The following PCDHGC3 variants were observed in gnomAD, a reference collection of about 807,000 sequenced individuals.
PCDHGC3 encodes the protein protocadherin gamma-C3.
PCDHGC3 carries 26 observed loss-of-function variants against 59.2 expected under a neutral mutation model. That is an observed-to-expected ratio of 0.44 (90% CI 0.32 to 0.61). The LOEUF (loss-of-function observed/expected upper bound fraction) is 0.61. Ranked by LOEUF, PCDHGC3 falls within the 20% of genes least tolerant of loss-of-function variation. PCDHGC3 has a pLI of 0.05. For missense variants in PCDHGC3, 1,080 were observed against 1,221.8 expected, an observed-to-expected ratio of 0.88 and a Z score of 1.73; for synonymous variants, 487 against 519.7, an observed-to-expected ratio of 0.94 and a Z score of 0.86.
chr5:141,501,130 G>A (rs528942194), intron 2 of PCDHGC3, among the ~76,000 whole-genome samples: 5 of 152,100 alleles, frequency 3.3e-5, no homozygotes, highest in African/African-American at 4.8e-5. Flanking sequence ...GCCTCCCTAA[G>A]TGCTGGGATT....
At position 141,491,724 on chromosome 5, in the gene PCDHGC3, G is replaced by A; in HGVS notation, c.2431-3083G>A. ...AGGTGAGGGGCTCGGCGCCGCCCCGGGCGACCCCTGGGGGCGGCACTGGAG... is the reference window on the plus strand; with the variant it reads ...AGGTGAGGGGCTCGGCGCCGCCCCGAGCGACCCCTGGGGGCGGCACTGGAG... On this transcript the variant is annotated intron_variant, in intron 1 of 3. Coordinates refer to ENST00000308177, the MANE Select transcript of PCDHGC3 (RefSeq NM_002588.4). This position sits in a 1 kb window ranked among gnomAD's most constrained non-coding sequence, Gnocchi z 6.9. 1 of 1,606,454 alleles carries A rather than the reference G, an allele frequency of 6.2e-7. No individual in the cohort carries two copies. The highest frequency in any genetic ancestry group is 1.1e-5 in the South Asian group (1 of 90,304).
chr5:141,501,412 T>C (rs1479005426), intron 2 of PCDHGC3, among the ~76,000 whole-genome samples: 7 of 151,550 alleles, frequency 4.6e-5, no homozygotes, highest in African/African-American at 1.7e-4. Context: ...GCTTGGAAAA[T>C]AGTTGACTAA....
chr5:141,490,128 C>T lies in PCDHGC3; in HGVS notation c.2431-4679C>T, dbSNP rs970815408. 1.2e-6 allele frequency: 2 copies of T among 1,614,254 alleles called. No homozygotes were observed. Among genetic ancestry groups the T allele is most frequent in the Non-Finnish European group, 8.5e-7 (1 of 1,180,042 alleles). ...CAGTGCGGAACCTCTTTGGCCTAGA[C>T]CCTAGCAGTGGGGCAATCCATGTGT... On this transcript the variant is annotated intron_variant, in intron 1 of 3. Transcript: ENST00000308177. The surrounding 1 kb of genome is among the most constrained non-coding windows in gnomAD (Gnocchi z 5.4).
At position 141,489,505 on chromosome 5, in the gene PCDHGC3, A is replaced by G. The variant is rs1198371307; in HGVS notation, c.2431-5302A>G. On this transcript the variant is annotated intron_variant, in intron 1 of 3. Transcript: ENST00000308177. The surrounding 1 kb of genome is among the most constrained non-coding windows in gnomAD (Gnocchi z 4.5). ...GAGTGGTGCCCTGGCAGTGAATCAA[A>G]AGATTGACCGAGAAAGCCTATGTGG... The G allele has an allele frequency of 1.9e-6, 3 of 1,613,972 alleles. No homozygotes were observed. The Admixed American group carries it at 5.0e-5, about 27-fold the overall frequency.
At chr5:141,501,305 A>G (rs2099807563) in intron 2 of PCDHGC3, among the ~76,000 whole-genome samples, 1 of 151,322 alleles carries the variant, frequency 6.6e-6, no homozygotes, top group African/African-American at 2.4e-5. Flanking sequence ...ACACACACAC[A>G]CACACACACA....
chr5:141,495,873 C>G (rs2099764359), intron 2 of PCDHGC3, among the ~76,000 whole-genome samples: 1 of 152,146 alleles, frequency 6.6e-6, no homozygotes, highest in Admixed American at 6.6e-5. Flanking sequence ...CTGCTTTCCT[C>G]TCTGTTCTTT....
In PCDHGC3 at chr5:141,476,065, G is replaced by T; in HGVS notation, c.-52G>T. ...GCTAACCCGCTGAAAGTTTCTCAGC[G>T]AAATCTCAGGGACGATCTGGACCCC... is the stretch of plus-strand genomic sequence containing the variant. On this transcript the variant is annotated 5_prime_UTR_variant, in exon 1 of 4. Coordinates refer to ENST00000308177, the MANE Select transcript of PCDHGC3 (RefSeq NM_002588.4). This position sits in a 1 kb window ranked among gnomAD's most constrained non-coding sequence, Gnocchi z 7.6. 6.6e-7 allele frequency: 1 copy of T among 1,511,444 alleles called. No homozygotes were observed. The highest frequency in any genetic ancestry group is 1.3e-5 in the South Asian group (1 of 76,164). The allele number at this position is 1,511,444 out of a possible 1,614,324, so 93.6% of individuals were successfully genotyped here.
intron 1 of PCDHGC3, among the ~76,000 whole-genome samples, chr5:141,479,909 A>G (rs2099509651): frequency 6.6e-6 from 1 of 152,160 alleles, no homozygotes; most frequent in South Asian, 2.1e-4. Context: ...AAACACTGTT[A>G]TTTTGTTACT....
intron 3 of PCDHGC3, among the ~76,000 whole-genome samples, chr5:141,510,208 G>A (rs560746333): frequency 2.0e-5 from 3 of 151,866 alleles, no homozygotes; most frequent in Admixed American, 1.3e-4. Context: ...AGGAGGCAGA[G>A]GTTGCAGTGA....
chr5:141,494,439 C>T (rs1009257996), intron 1 of PCDHGC3, among the ~76,000 whole-genome samples: 1 of 152,126 alleles, frequency 6.6e-6, no homozygotes, highest in Non-Finnish European at 1.5e-5. Flanking sequence ...CCTCCTTTGC[C>T]ACTTTAGGGG....
chr5:141,481,182 G>T (rs2099533183), intron 1 of PCDHGC3, among the ~76,000 whole-genome samples: 1 of 152,180 alleles, frequency 6.6e-6, no homozygotes, highest in Non-Finnish European at 1.5e-5. Flanking sequence ...AGCTTTATTG[G>T]GCCAGGCCCA....
In PCDHGC3 at chr5:141,510,353, C is replaced by G. The variant is rs74759939; in HGVS notation, c.2579-594C>G. On this transcript the variant is annotated intron_variant, in intron 3 of 3. Transcript: ENST00000308177. ...CACCCCCACCCCACACACTTACTAA[C>G]GGAACTACCGAATCTCTACTCGTGC... is the stretch of plus-strand genomic sequence containing the variant. Among the ~76,000 whole-genome samples the G allele has an allele frequency of 1.9e-4, 28 of 146,588 alleles. No homozygotes were observed. The East Asian group carries it at 5.6e-3, about 29-fold the overall frequency.
chr5:141,505,523 G>A, intron 3 of PCDHGC3, 42 bp downstream of exon 3: 1 of 1,612,760 alleles, frequency 6.2e-7, no homozygotes, highest in Middle Eastern at 1.7e-4. Flanking sequence ...GGGAGACCTG[G>A]GGTTCTGGGG....
chr5:141,509,882 GTGAC>G (rs1186067105), intron 3 of PCDHGC3, among the ~76,000 whole-genome samples: 1 of 152,182 alleles, frequency 6.6e-6, no homozygotes, highest in Non-Finnish European at 1.5e-5. Context: ...GGTGGTGATG[GTGAC>G]TGACTGTCCC....
At position 141,511,313 on chromosome 5, in the gene PCDHGC3, CAGAA is replaced by C; in HGVS notation, c.*142_*145del. The C allele has an allele frequency of 2.0e-6, 3 of 1,482,944 alleles. No homozygotes were observed. In the South Asian group the frequency reaches 4.1e-5, roughly 20 times the overall value. 91.9% of individuals were successfully genotyped at this position (1,482,944 alleles called of 1,614,324 possible). ...CCAAGGCCATGCTCCCCTTGGGAAA[CAGAA>C]ACAAGTGCCCAGTCAGCACCTACCC... On this transcript the variant is annotated 3_prime_UTR_variant, in exon 4 of 4. Transcript: ENST00000308177.
At chr5:141,504,842 A>G (rs944461166) in intron 2 of PCDHGC3, among the ~76,000 whole-genome samples, 7 of 151,968 alleles carry the variant, frequency 4.6e-5, no homozygotes, top group African/African-American at 1.7e-4. Context: ...CTAGCTCTGG[A>G]ACATTCTCTT....
chr5:141,506,262 A>G (rs1395369571), intron 3 of PCDHGC3, among the ~76,000 whole-genome samples: 1 of 152,046 alleles, frequency 6.6e-6, no homozygotes, highest in Admixed American at 6.6e-5. Context: ...CGGCCTGGCC[A>G]ACATAGTGAA....
chr5:141,485,279 C>T lies in PCDHGC3; in HGVS notation c.2430+6733C>T. 1 of 1,614,108 alleles carries T rather than the reference C, an allele frequency of 6.2e-7. No individual in the cohort carries two copies. Among genetic ancestry groups the T allele is most frequent in the Non-Finnish European group, 8.5e-7 (1 of 1,179,966 alleles). ...TTGTGGGCAGATCCGCTACCCGGTC[C>T]CAGAGGAGTCACAGGAAGGGACTTT... On this transcript the variant is annotated intron_variant, in intron 1 of 3. Transcript: ENST00000308177. The surrounding 1 kb of genome is among the most constrained non-coding windows in gnomAD (Gnocchi z 5.7).
In PCDHGC3 at chr5:141,491,149, G is replaced by T; in HGVS notation, c.2431-3658G>T. 6.8e-6 allele frequency: 11 copies of T among 1,614,152 alleles called. No homozygotes were observed. The highest frequency in any genetic ancestry group is 9.3e-6 in the Non-Finnish European group (11 of 1,180,010). On this transcript the variant is annotated intron_variant, in intron 1 of 3. Transcript: ENST00000308177. This position sits in a 1 kb window ranked among gnomAD's most constrained non-coding sequence, Gnocchi z 6.9. ...GCGCACAGCCCGGGCCTTACTGGAGGATGACTCTGACACCCAGCAGGTGGT... is the reference window on the plus strand; with the variant it reads ...GCGCACAGCCCGGGCCTTACTGGAGTATGACTCTGACACCCAGCAGGTGGT...
Sources: gnomAD v4.1 joint callset for allele counts (sites outside exome capture counted in the v4.1 genomes callset) on GRCh38, gnomAD v4.1.1 for gene constraint, Gnocchi (gnomAD v3.1) non-coding constraint, MANE v1.5 for transcripts, NCBI Gene and HGNC (gene_info 2026-07-23, HGNC 2026-07-21) for gene names.